MGAT4C: variants seen among roughly 807,000 people sequenced by gnomAD.
The protein encoded by MGAT4C is MGAT4 family member C, also known as alpha-1,3-mannosyl-glycoprotein 4-beta-N-acetylglucosaminyltransferase C.
Under a neutral mutation model 40.1 loss-of-function variants are expected in MGAT4C, and 19 were observed. The ratio of observed to expected loss-of-function variants is 0.47; its 90% CI spans 0.33 to 0.70. The LOEUF (loss-of-function observed/expected upper bound fraction) is 0.70. Ranked by LOEUF, MGAT4C falls within the 30% of genes least tolerant of loss-of-function variation. The pLI is 0.02. For synonymous variants in MGAT4C, 181 were observed against 187.1 expected (o/e 0.97, Z 0.27); for missense variants, 491 against 563.2 (o/e 0.87, Z 1.30).
At chr12:86,049,794 G>T in intron 1 of MGAT4C, 71 bp from the exon 2 acceptor site, 1 of 506,398 alleles carries the variant, frequency 2.0e-6, no homozygotes, top group Non-Finnish European at 2.5e-6. Flanking sequence ...AAAATAAAAA[G>T]TATTCTCTGT....
At position 85,960,197 on chromosome 12, in the gene MGAT4C, A is replaced by G. The variant is rs1883036224; in HGVS notation, c.*19092T>C. ...AGGACTACCCACTAAGAATAAAAAC[A>G]TGATACAACTTGAAGAAATTTTCAT... On this transcript the variant is annotated 3_prime_UTR_variant, in exon 5 of 5. Coordinates refer to ENST00000611864, the MANE Select transcript of MGAT4C (RefSeq NM_001351288.2). 1 of 152,114 alleles carries G rather than the reference A, an allele frequency of 6.6e-6. No homozygotes were observed. Among genetic ancestry groups the G allele is most frequent in the Non-Finnish European group, 1.5e-5 (1 of 67,962 alleles). 9.4% of individuals were successfully genotyped at this position (152,114 alleles called of 1,614,324 possible). A position where few individuals can be genotyped will look rare whatever the true frequency, so the allele number is the denominator to read the frequency against.
At chr12:86,357,778 A>G (rs1350617046) in intron 3 of MGAT4C, among the ~76,000 whole-genome samples, 1 of 152,182 alleles carries the variant, frequency 6.6e-6, no homozygotes, top group Non-Finnish European at 1.5e-5. Flanking sequence ...AAGTTTAAAG[A>G]AAAAAGAGTA....
intron 1 of MGAT4C, among the ~76,000 whole-genome samples, chr12:86,094,425 G>A (rs1873506043): frequency 6.6e-6 from 1 of 151,990 alleles, no homozygotes; most frequent in Non-Finnish European, 1.5e-5. Flanking sequence ...TTGTATCTTC[G>A]TAAATGCCAT....
At chr12:86,713,619 T>C (rs902896143) in intron 2 of MGAT4C, among the ~76,000 whole-genome samples, 2 of 152,114 alleles carry the variant, frequency 1.3e-5, no homozygotes, top group African/African-American at 4.8e-5. Flanking sequence ...TAGTTATGAA[T>C]GCAAAAACAT....
At chr12:86,159,781 T>C (rs1173531760) in intron 1 of MGAT4C, among the ~76,000 whole-genome samples, 1 of 152,066 alleles carries the variant, frequency 6.6e-6, no homozygotes. Flanking sequence ...TCCAGGAATT[T>C]ACCCATTTCC....
chr12:86,328,287 T>G (rs1429612199), intron 4 of MGAT4C, among the ~76,000 whole-genome samples: 1 of 152,108 alleles, frequency 6.6e-6, no homozygotes, highest in African/African-American at 2.4e-5. Context: ...AGCAAATCAA[T>G]TATTACCACT....
chr12:86,825,453 A>G (rs183105950), intron 1 of MGAT4C, among the ~76,000 whole-genome samples: 2 of 151,490 alleles, frequency 1.3e-5, no homozygotes, highest in African/African-American at 4.8e-5. Flanking sequence ...TACTGTATCA[A>G]TAAGAAACAA....
intron 3 of MGAT4C, among the ~76,000 whole-genome samples, chr12:86,434,682 A>G (rs1957106016): frequency 6.6e-6 from 1 of 152,024 alleles, no homozygotes; most frequent in Non-Finnish European, 1.5e-5. Flanking sequence ...AGCTTTTCCA[A>G]TTTTAAATAT....
chr12:86,358,353 C>G (rs185823091), intron 3 of MGAT4C, among the ~76,000 whole-genome samples: 3 of 152,142 alleles, frequency 2.0e-5, no homozygotes, highest in Non-Finnish European at 4.4e-5. Context: ...GGAACAACCA[C>G]TACCAGCCAC....
chr12:86,234,266 C>T (rs1001064734), intron 1 of MGAT4C, among the ~76,000 whole-genome samples: 18 of 151,974 alleles, frequency 1.2e-4, no homozygotes, highest in African/African-American at 1.9e-4. Context: ...TTATCTTAGA[C>T]TAATGTAGAG....
At chr12:86,538,188 A>G (rs1229422741) in intron 2 of MGAT4C, among the ~76,000 whole-genome samples, 2 of 152,266 alleles carry the variant, frequency 1.3e-5, no homozygotes, top group African/African-American at 4.8e-5. Flanking sequence ...GAGAAGGCAC[A>G]TGAGGCGATA....
chr12:86,556,886 T>C (rs981283328), intron 2 of MGAT4C, among the ~76,000 whole-genome samples: 2 of 152,164 alleles, frequency 1.3e-5, no homozygotes, highest in Non-Finnish European at 1.5e-5. Flanking sequence ...ATTAATATTA[T>C]AAGACCTTTA....
intron 1 of MGAT4C, among the ~76,000 whole-genome samples, chr12:86,766,346 A>C (rs1045531578): frequency 3.9e-5 from 6 of 152,148 alleles, no homozygotes; most frequent in African/African-American, 1.4e-4. Context: ...CACCCAATAC[A>C]GGAGCACCCA....
Position 86,489,966 on chromosome 12 carries a change from C to T in MGAT4C, c.-228-54701G>A, listed in dbSNP as rs551564199. 3.3e-3 allele frequency among the ~76,000 whole-genome samples: 499 copies of T among 152,148 alleles called. 2 individuals are homozygous for T. The highest frequency in any genetic ancestry group is 0.011 in the African/African-American group (476 of 41,512). ...GTCTAATTGGTGTACCTGAAAGTGA[C>T]GGGGAGAATGGAACCAAGTTGGAAA... is the stretch of plus-strand genomic sequence containing the variant. On this transcript the variant is annotated intron_variant, in intron 2 of 7. Transcript: ENST00000548651.
chr12:86,273,490 C>T (rs1952997522), intron 4 of MGAT4C, among the ~76,000 whole-genome samples: 1 of 152,044 alleles, frequency 6.6e-6, no homozygotes, highest in Non-Finnish European at 1.5e-5. Context: ...AAAACCAATA[C>T]AAACAAATAT....
chr12:86,579,352 T>C (rs1960686919), intron 2 of MGAT4C, among the ~76,000 whole-genome samples: 1 of 151,632 alleles, frequency 6.6e-6, no homozygotes, highest in African/African-American at 2.4e-5. Context: ...ACTATAAGGC[T>C]TGCAAATACT....
intron 4 of MGAT4C, among the ~76,000 whole-genome samples, chr12:86,289,389 G>A (rs1217335258): frequency 6.6e-6 from 1 of 151,708 alleles, no homozygotes; most frequent in African/African-American, 2.4e-5. Flanking sequence ...TCACCCTTTG[G>A]GCTCTTTTTT....
intron 1 of MGAT4C, among the ~76,000 whole-genome samples, chr12:86,110,929 TG>T (rs1877275348): frequency 6.6e-6 from 1 of 151,814 alleles, no homozygotes; most frequent in South Asian, 2.1e-4. Flanking sequence ...GACTATTTTT[TG>T]TTACATTGTA....
At chr12:86,145,855 C>A (rs566813122) in intron 1 of MGAT4C, among the ~76,000 whole-genome samples, 1 of 152,048 alleles carries the variant, frequency 6.6e-6, no homozygotes, top group South Asian at 2.1e-4. Context: ...ACAAAGAAAT[C>A]TTTTCCAATA....
Sources: gnomAD v4.1 joint callset for allele counts (sites outside exome capture counted in the v4.1 genomes callset) on GRCh38, gnomAD v4.1.1 for gene constraint, MANE v1.5 for transcripts, NCBI Gene and HGNC (gene_info 2026-07-23, HGNC 2026-07-21) for gene names.